Variants in SLC39A8 observed in about 807,000 individuals in gnomAD.
The protein encoded by SLC39A8 is metal cation symporter ZIP8.
A neutral mutation model predicts 40.4 loss-of-function variants in SLC39A8; 15 were observed. The observed-to-expected ratio is 0.37, with a 90% CI of 0.25 to 0.57. The LOEUF (loss-of-function observed/expected upper bound fraction) is 0.57. SLC39A8 is among the 20% of genes least tolerant of loss of function. SLC39A8 has a pLI of 0.75. For synonymous variants in SLC39A8, 223 were observed against 221.6 expected (o/e 1.01, Z -0.06); for missense variants, 472 against 558.8 (o/e 0.84, Z 1.57).
intron 2 of SLC39A8, among the ~76,000 whole-genome samples, chr4:102,317,630 G>A (rs555299610): frequency 6.6e-6 from 1 of 152,244 alleles, no homozygotes; most frequent in East Asian, 1.9e-4. Context: ...AGCCCTTGTG[G>A]TTCAACTGGA....
chr4:102,293,434 T>C (rs1338860919), intron 6 of SLC39A8, among the ~76,000 whole-genome samples: 1 of 151,798 alleles, frequency 6.6e-6, no homozygotes, highest in East Asian at 1.9e-4. Context: ...AGAAAACAAA[T>C]TAAAAAGGGC....
At chr4:102,320,271 A>C (rs1190758083) in intron 2 of SLC39A8, among the ~76,000 whole-genome samples, 1 of 133,392 alleles carries the variant, frequency 7.5e-6, no homozygotes, top group Non-Finnish European at 1.6e-5. Context: ...ATATATGAGA[A>C]TATTATATAT....
At chr4:102,294,534 C>A (rs567080302) in intron 6 of SLC39A8, among the ~76,000 whole-genome samples, 70 of 152,072 alleles carry the variant, frequency 4.6e-4, no homozygotes, top group African/African-American at 1.6e-3. Flanking sequence ...AGTAGGAATC[C>A]CCCTACCCTT....
chr4:102,262,861 T>C lies in SLC39A8; in HGVS notation c.*183A>G, dbSNP rs745385203. On this transcript the variant is annotated 3_prime_UTR_variant, in exon 9 of 9. Transcript: ENST00000356736. ...TCTCAGACTGACACTGAAAACCTTT[T>C]GAAGCATTTTTAACAACAAATAATG... The C allele has an allele frequency of 5.1e-6, 7 of 1,368,810 alleles. No homozygotes were observed. Among genetic ancestry groups the C allele is most frequent in the Non-Finnish European group, 6.6e-6 (7 of 1,064,032 alleles). 84.8% of individuals were successfully genotyped at this position (1,368,810 alleles called of 1,614,324 possible).
intron 2 of SLC39A8, among the ~76,000 whole-genome samples, chr4:102,319,184 C>T (rs570258816): frequency 6.6e-6 from 1 of 152,326 alleles, no homozygotes; most frequent in South Asian, 2.1e-4. Context: ...TTCTTCCTCA[C>T]CAGTTTTTAT....
At chr4:102,279,517 C>T (rs1732780040) in intron 6 of SLC39A8, among the ~76,000 whole-genome samples, 1 of 152,118 alleles carries the variant, frequency 6.6e-6, no homozygotes, top group South Asian at 2.1e-4. Context: ...AACAAGACTA[C>T]CAAGCACTCA....
At chr4:102,298,567 A>G (rs1040232749) in intron 6 of SLC39A8, among the ~76,000 whole-genome samples, 38 of 152,238 alleles carry the variant, frequency 2.5e-4, no homozygotes, top group Non-Finnish European at 4.9e-4. Context: ...GTGATGTTCA[A>G]GAACTATATG....
chr4:102,303,123 A>G (rs1271594737), intron 6 of SLC39A8, among the ~76,000 whole-genome samples: 1 of 150,652 alleles, frequency 6.6e-6, no homozygotes, highest in Non-Finnish European at 1.5e-5. Flanking sequence ...TTTCCTTTTT[A>G]TTTTGTTTTT....
downstream of SLC39A8, among the ~76,000 whole-genome samples, chr4:102,258,104 G>GTTTTTTTTTTTTTT (rs752860248): frequency 6.8e-6 from 1 of 146,132 alleles, no homozygotes; most frequent in African/African-American, 2.7e-5. Flanking sequence ...AGTGTTTTTT[G>GTTTTTTTTTTTTTT]TTTTTTGTTT....
In SLC39A8 at chr4:102,267,708, G is replaced by GTT. The variant is rs10685391; in HGVS notation, c.1049-36_1049-35dup. 1.0e-2 allele frequency: 14,043 copies of GTT among 1,409,238 alleles called. 666 individuals are homozygous for GTT. The African/African-American group carries it at 0.16, about 16-fold the overall frequency. The allele number at this position is 1,409,238 out of a possible 1,614,324, so 87.3% of individuals were successfully genotyped here. The stretch of plus-strand genomic sequence containing the variant: ...AGAAGAAGAAAATATCAAGTGAATA[G>GTT]TTTTTTTTTTATTTCTGGATGATAT... On this transcript the variant is annotated intron_variant, in intron 7 of 8. Transcript: ENST00000356736.
intron 8 of SLC39A8, among the ~76,000 whole-genome samples, chr4:102,264,469 GCA>G: frequency 6.6e-6 from 1 of 152,342 alleles, no homozygotes; most frequent in Admixed American, 6.5e-5. Context: ...TATTTCTAGA[GCA>G]CAGAGTGGAT....
chr4:102,300,646 A>C (rs1319253447), intron 6 of SLC39A8, among the ~76,000 whole-genome samples: 1 of 152,004 alleles, frequency 6.6e-6, no homozygotes, highest in East Asian at 1.9e-4. Flanking sequence ...TTCAATTTGG[A>C]AAAACTTTGT....
In SLC39A8 at chr4:102,268,031, G is replaced by C; in HGVS notation, c.889C>G (p.Leu297Val). ...CAGGCAATCGTCCCTATTTCTGACA[G>C]TTTGGGCCCCTTCAAACAGGTACAT... ...SSCTCLKGPK[L>V]SEIGTIAWMI... Residue 297 changes from leucine (L) to valine (V), a missense_variant, in exon 7 of 9, where the codon CTG becomes GTG. Physicochemically the swap from Leu to Val is conservative, Grantham distance 32. Transcript: ENST00000356736. 1 of 1,614,200 alleles carries C rather than the reference G, an allele frequency of 6.2e-7. No homozygotes were observed. Among genetic ancestry groups the C allele is most frequent in the Non-Finnish European group, 8.5e-7 (1 of 1,180,034 alleles).
At chr4:102,258,104 G>GTTTTT (rs752860248), downstream of SLC39A8, among the ~76,000 whole-genome samples, 6 of 146,134 alleles carry the variant, frequency 4.1e-5, 1 homozygote, top group African/African-American at 1.4e-4. Context: ...AGTGTTTTTT[G>GTTTTT]TTTTTTGTTT....
intron 6 of SLC39A8, among the ~76,000 whole-genome samples, chr4:102,273,636 T>TG (rs1349857044): frequency 6.6e-6 from 1 of 152,208 alleles, no homozygotes; most frequent in Admixed American, 6.5e-5. Flanking sequence ...CCCTGACCCC[T>TG]GTGCCTCCTG....
rs1736082902 is a variant in SLC39A8 at position 102,344,576 on chromosome 4, G to T, written c.87C>A (p.Phe29Leu). 1 of 1,550,662 alleles carries T rather than the reference G, an allele frequency of 6.4e-7. No homozygotes were observed. Among genetic ancestry groups the T allele is most frequent in the Non-Finnish European group, 8.7e-7 (1 of 1,147,298 alleles). ...CGAACACGCTCAGCACATCCTCGCT[G>T]AAGGCTAGCCCTGGCCCCTCCGCCA... ...GGVAEGPGLA[F>L]SEDVLSVFGA... The change falls in exon 2 of 9, where the codon TTC (phenylalanine) becomes TTA (leucine). Residue 29 changes from phenylalanine to leucine, a missense_variant. Phe to Leu is a conservative substitution (Grantham distance 22, BLOSUM62 0). This residue lies in a region of SLC39A8 where 175 missense variants were observed against 160.5 expected (regional missense o/e 1.09). Transcript: ENST00000356736.
At chr4:102,278,619 C>T (rs554024068) in intron 6 of SLC39A8, among the ~76,000 whole-genome samples, 4 of 151,924 alleles carry the variant, frequency 2.6e-5, no homozygotes, top group Non-Finnish European at 1.5e-5. Context: ...TGCCATTTGA[C>T]CCAGCAATCC....
intron 2 of SLC39A8, among the ~76,000 whole-genome samples, chr4:102,328,904 T>C (rs1735332213): frequency 6.6e-6 from 1 of 151,766 alleles, no homozygotes; most frequent in Non-Finnish European, 1.5e-5. Context: ...GGTGGGCGCC[T>C]GTAGTCCCAG....
At chr4:102,329,004 G>A (rs1267742998) in intron 2 of SLC39A8, among the ~76,000 whole-genome samples, 1 of 151,290 alleles carries the variant, frequency 6.6e-6, no homozygotes, top group Non-Finnish European at 1.5e-5. Context: ...CTCCAGCTTG[G>A]GTGACAGAGA....
Sources: allele counts gnomAD v4.1 joint callset (sites outside exome capture counted in the v4.1 genomes callset), GRCh38; gene constraint gnomAD v4.1.1; regional missense constraint gnomAD v4.1.1; transcripts MANE v1.5; gene names NCBI Gene and HGNC (gene_info 2026-07-23, HGNC 2026-07-21).